The following PPFIA2 variants were observed in gnomAD, a reference collection of about 807,000 sequenced individuals.
PPFIA2 encodes PPFI scaffold protein A2, also known as liprin-alpha-2.
Under a neutral mutation model 175.5 loss-of-function variants are expected in PPFIA2, and 46 were observed. The ratio of observed to expected loss-of-function variants is 0.26; its 90% CI spans 0.21 to 0.34. PPFIA2 has a LOEUF of 0.34. Ranked by LOEUF, PPFIA2 falls within the 10% of genes least tolerant of loss-of-function variation. The pLI, the probability that PPFIA2 is intolerant of heterozygous loss-of-function variation, is 1.00. For synonymous variants in PPFIA2, 568 were observed against 511.4 expected, an observed-to-expected ratio of 1.11 and a Z score of -1.49; for missense variants, 1,179 against 1,506.1, an observed-to-expected ratio of 0.78 and a Z score of 3.60.
At chr12:81,552,951 T>C (rs1417630302) in intron 4 of PPFIA2, among the ~76,000 whole-genome samples, 1 of 152,042 alleles carries the variant, frequency 6.6e-6, no homozygotes, top group East Asian at 1.9e-4. Context: ...TTTTTCCATA[T>C]AATAAATAGT....
intron 14 of PPFIA2, among the ~76,000 whole-genome samples, chr12:81,364,712 G>A (rs958986968): frequency 6.6e-6 from 1 of 151,772 alleles, no homozygotes; most frequent in Admixed American, 6.6e-5. Context: ...AGAGAGTAAT[G>A]GTTTGGACAA....
At chr12:81,441,884 T>G (rs2050237759) in intron 6 of PPFIA2, among the ~76,000 whole-genome samples, 1 of 152,262 alleles carries the variant, frequency 6.6e-6, no homozygotes, top group South Asian at 2.1e-4. Context: ...ACGCTGATCA[T>G]ATCACACTTA....
At chr12:81,510,460 C>T (rs572463095) in intron 4 of PPFIA2, among the ~76,000 whole-genome samples, 100 of 152,208 alleles carry the variant, frequency 6.6e-4, no homozygotes, top group African/African-American at 2.2e-3. Flanking sequence ...CAGGTATATA[C>T]AATATCATAT....
intron 3 of PPFIA2, among the ~76,000 whole-genome samples, chr12:81,683,485 C>T (rs2073995619): frequency 6.6e-6 from 1 of 151,904 alleles, no homozygotes; most frequent in Admixed American, 6.6e-5. Flanking sequence ...TGACCAAAAC[C>T]CTAAATGGTT....
intron 4 of PPFIA2, among the ~76,000 whole-genome samples, chr12:81,618,879 ATAT>A (rs2061712677): frequency 6.6e-6 from 1 of 152,170 alleles, no homozygotes; most frequent in South Asian, 2.1e-4. Context: ...TTGTTGAGTG[ATAT>A]TATTCATTCA....
intron 22 of PPFIA2, among the ~76,000 whole-genome samples, chr12:81,323,392 C>T (rs989349856): frequency 2.6e-5 from 4 of 152,118 alleles, no homozygotes; most frequent in African/African-American, 4.8e-5. Flanking sequence ...TGTGTACGTA[C>T]GATCTGTAGT....
chr12:81,312,265 G>A (rs935231137), intron 22 of PPFIA2: 4 of 1,198,160 alleles, frequency 3.3e-6, no homozygotes, highest in Non-Finnish European at 4.7e-6. Flanking sequence ...TAAAACAAGA[G>A]CATTATTTAA....
At chr12:81,263,493 G>C in intron 30 of PPFIA2, 103 bp from the exon 31 acceptor site, 1 of 1,037,850 alleles carries the variant, frequency 9.6e-7, no homozygotes, top group Non-Finnish European at 1.4e-6. Flanking sequence ...TTTACATTTA[G>C]TCTGTCAAGT....
intron 4 of PPFIA2, among the ~76,000 whole-genome samples, chr12:81,585,589 C>T (rs956537274): frequency 6.6e-6 from 1 of 151,812 alleles, no homozygotes; most frequent in African/African-American, 2.4e-5. Flanking sequence ...TCATCACCAC[C>T]ATTGTCGTCC....
At chr12:81,271,266 T>C (rs1381549938) in intron 28 of PPFIA2, among the ~76,000 whole-genome samples, 1 of 152,106 alleles carries the variant, frequency 6.6e-6, no homozygotes, top group Non-Finnish European at 1.5e-5. Flanking sequence ...CTCCATTAGC[T>C]TTCTTTTTTC....
rs145642021 is a variant in PPFIA2, at chr12:81,401,176, T to C, written c.762+4611A>G. On this transcript the variant is annotated intron_variant, in intron 8 of 32. Transcript: ENST00000549396. ...CCTCAACTGTCTTATCATCATTATA[T>C]TCCTACCACCTAGAATAGGGCCCAT... 3.3e-5 allele frequency among the ~76,000 whole-genome samples: 5 copies of C among 152,272 alleles called. No individual in the cohort carries two copies. In the East Asian group the frequency reaches 9.7e-4, roughly 29 times the overall value.
At chr12:81,613,117 C>T (rs1358841131) in intron 4 of PPFIA2, among the ~76,000 whole-genome samples, 1 of 152,072 alleles carries the variant, frequency 6.6e-6, no homozygotes, top group Non-Finnish European at 1.5e-5. Flanking sequence ...TTATTATATG[C>T]TGTTAGGTTT....
chr12:81,326,719 A>T (rs1435571443), intron 21 of PPFIA2, among the ~76,000 whole-genome samples: 1 of 152,126 alleles, frequency 6.6e-6, no homozygotes, highest in African/African-American at 2.4e-5. Context: ...GTTGTAATTG[A>T]AAAATAAGGA....
chr12:81,341,326 A>G, intron 19 of PPFIA2, 118 bp from the exon 20 acceptor site: 4 of 997,942 alleles, frequency 4.0e-6, no homozygotes, highest in Non-Finnish European at 5.7e-6. Flanking sequence ...ATAAAACAAC[A>G]AAACTTGGGG....
chr12:81,598,035 C>T, intron 4 of PPFIA2: 1 of 1,534,850 alleles, frequency 6.5e-7, no homozygotes, highest in Non-Finnish European at 8.7e-7. Context: ...AAAATCATTT[C>T]TGATCACTGA....
At chr12:81,518,679 C>T (rs1318193999) in intron 4 of PPFIA2, among the ~76,000 whole-genome samples, 1 of 152,138 alleles carries the variant, frequency 6.6e-6, no homozygotes, top group Non-Finnish European at 1.5e-5. Flanking sequence ...TACAAACTTT[C>T]CCTGCCTTAT....
At chr12:81,369,559 A>T in intron 11 of PPFIA2, 1 of 654,538 alleles carries the variant, frequency 1.5e-6, no homozygotes, top group African/African-American at 2.0e-5. Context: ...AATTTTTATA[A>T]ATGAAAAGAA....
At chr12:81,375,594 G>C in intron 10 of PPFIA2, 1 of 595,012 alleles carries the variant, frequency 1.7e-6, no homozygotes, top group Non-Finnish European at 2.9e-6. Context: ...GTCATTATTT[G>C]TATTACTATT....
rs115494979 is a variant in PPFIA2 at position 81,681,176 on chromosome 12, T to C, written c.250-4332A>G. On this transcript the variant is annotated intron_variant, in intron 3 of 32. Coordinates refer to ENST00000549396, the MANE Select transcript of PPFIA2 (RefSeq NM_003625.5). The stretch of plus-strand genomic sequence containing the variant: ...TGCTGCTTCACACTGGTATCCTCAA[T>C]CATATGAATTTTTATCATCAATGCT... 3.0e-3 allele frequency among the ~76,000 whole-genome samples: 451 copies of C among 152,098 alleles called. 2 individuals are homozygous for C. Among genetic ancestry groups the C allele is most frequent in the African/African-American group, 9.9e-3 (412 of 41,548 alleles).
Sources: gnomAD v4.1 joint callset for allele counts (sites outside exome capture counted in the v4.1 genomes callset) on GRCh38, gnomAD v4.1.1 for gene constraint, MANE v1.5 for transcripts, NCBI Gene and HGNC (gene_info 2026-07-23, HGNC 2026-07-21) for gene names.